Variants in GSE1 observed in about 807,000 individuals in gnomAD.
The protein encoded by GSE1 is genetic suppressor element 1.
A neutral mutation model predicts 112.6 loss-of-function variants in GSE1; 32 were observed. The ratio of observed to expected loss-of-function variants is 0.28; its 90% CI spans 0.21 to 0.38. The LOEUF is 0.38. Among genes scored for constraint, GSE1 ranks in the 10% least tolerant of loss-of-function variants. The pLI, the probability that GSE1 is intolerant of heterozygous loss-of-function variation, is 1.00. For missense variants in GSE1, 2,348 were observed against 1,699.2 expected, an observed-to-expected ratio of 1.38 and a Z score of -6.71; for synonymous variants, 1,115 against 735.6, an observed-to-expected ratio of 1.52 and a Z score of -8.35.
intron 1 of GSE1, among the ~76,000 whole-genome samples, chr16:85,605,787 G>T (rs150938367): frequency 0.014 from 2,112 of 152,104 alleles, 23 homozygotes; most frequent in Non-Finnish European, 0.022. Context: ...AGAGGGTGCT[G>T]CCCGTAGCGA....
chr16:85,272,111 C>A (rs1908895712), intron 1 of GSE1, among the ~76,000 whole-genome samples: 1 of 152,242 alleles, frequency 6.6e-6, no homozygotes, highest in African/African-American at 2.4e-5. Flanking sequence ...ATCATCGTCA[C>A]CATGCGGCCG....
chr16:85,500,161 G>A (rs769258115), intron 2 of GSE1, among the ~76,000 whole-genome samples: 21 of 152,170 alleles, frequency 1.4e-4, no homozygotes, highest in Non-Finnish European at 1.5e-5. Context: ...GAAAATAACC[G>A]GCTGCCAGGT....
At chr16:85,627,294 C>T (rs2049161462) in intron 1 of GSE1, among the ~76,000 whole-genome samples, 1 of 151,654 alleles carries the variant, frequency 6.6e-6, no homozygotes, top group South Asian at 2.1e-4. Context: ...GTTTCCTGCC[C>T]TCTGGCTTCT....
At chr16:85,246,256 TACAC>T (rs560365750) in intron 1 of GSE1, among the ~76,000 whole-genome samples, 29 of 87,044 alleles carry the variant, frequency 3.3e-4, no homozygotes, top group African/African-American at 4.0e-4. Context: ...ACACGCTGTC[TACAC>T]ACACACACAC....
At chr16:85,208,485 C>T (rs1258462587) in intron 1 of GSE1, among the ~76,000 whole-genome samples, 1 of 152,212 alleles carries the variant, frequency 6.6e-6, no homozygotes, top group Non-Finnish European at 1.5e-5. Context: ...CTCCTGCTGC[C>T]TCAGCTCCTG....
intron 2 of GSE1, chr16:85,462,989 C>T (rs1481142540): frequency 4.5e-6 from 2 of 441,542 alleles, no homozygotes; most frequent in Non-Finnish European, 6.0e-6. Flanking sequence ...CTTCTGCCGC[C>T]CCGTGACGCC....
rs561645815 is a variant in GSE1 at position 85,485,355 on chromosome 16, C to T, written c.2464+127712C>T. ...CAGGGTGGGCCAGGTCCCGTGCAGC[C>T]GTTGTACAGCTACTGTCACACCAGG... On this transcript the variant is annotated intron_variant, in intron 2 of 2. Transcript: ENST00000637419. 7.2e-5 allele frequency among the ~76,000 whole-genome samples: 11 copies of T among 152,310 alleles called. No homozygotes were observed. The East Asian group carries it at 1.2e-3, about 16-fold the overall frequency.
chr16:85,560,366 A>T (rs986215621), intron 1 of GSE1, among the ~76,000 whole-genome samples: 1 of 151,872 alleles, frequency 6.6e-6, no homozygotes, highest in African/African-American at 2.4e-5. Flanking sequence ...CGATCTCTTG[A>T]CCTGCCTTGG....
chr16:85,628,524 G>A (rs986855957), intron 1 of GSE1, among the ~76,000 whole-genome samples: 4 of 152,100 alleles, frequency 2.6e-5, no homozygotes, highest in Non-Finnish European at 4.4e-5. Flanking sequence ...GAGGGAGCAG[G>A]CAGAGGGCCT....
At chr16:85,171,425 G>A in exon 1 of GSE1, 2 of 985,500 alleles carry the variant, frequency 2.0e-6, no homozygotes, top group Middle Eastern at 5.2e-4. Context: ...CCTGCCCCTC[G>A]TGCCAGGCCT....
At chr16:85,625,408 A>G (rs1032983615) in intron 1 of GSE1, among the ~76,000 whole-genome samples, 5 of 152,074 alleles carry the variant, frequency 3.3e-5, no homozygotes, top group Non-Finnish European at 5.9e-5. Flanking sequence ...CCAGAATGCA[A>G]CCTCAGCATC....
chr16:85,660,320 G>T (rs2052326244), intron 8 of GSE1, among the ~76,000 whole-genome samples: 1 of 152,188 alleles, frequency 6.6e-6, no homozygotes, highest in African/African-American at 2.4e-5. Context: ...TATCCTCTTG[G>T]AGCAGCCTGC....
intron 1 of GSE1, among the ~76,000 whole-genome samples, chr16:85,632,210 C>T (rs1166369927): frequency 1.3e-5 from 2 of 152,244 alleles, no homozygotes; most frequent in Non-Finnish European, 2.9e-5. Flanking sequence ...CCCGCTGCTG[C>T]AGGGCACGGC....
chr16:85,413,548 A>G (rs1053920523), intron 2 of GSE1, among the ~76,000 whole-genome samples: 1 of 151,896 alleles, frequency 6.6e-6, no homozygotes. Flanking sequence ...ACTTCCTTCA[A>G]CCCATGTCAG....
In GSE1 at chr16:85,491,784, G is replaced by T. The variant is rs78300624; in HGVS notation, c.2464+134141G>T. Reference sequence around the variant, plus strand: ...AGTCTGATGAGGAGAGGGGCAGAGTGGGGGTGACACTGGGCCTGGCTGGAT... The same window carrying T: ...AGTCTGATGAGGAGAGGGGCAGAGTTGGGGTGACACTGGGCCTGGCTGGAT... On this transcript the variant is annotated intron_variant, in intron 2 of 2. Transcript: ENST00000637419. Among the ~76,000 whole-genome samples the T allele has an allele frequency of 6.8e-3, 1,036 of 152,298 alleles. 16 individuals carry two copies. Among genetic ancestry groups the T allele is most frequent in the African/African-American group, 0.024 (992 of 41,568 alleles).
intron 1 of GSE1, among the ~76,000 whole-genome samples, chr16:85,250,663 G>C (rs913486528): frequency 6.6e-6 from 1 of 152,148 alleles, no homozygotes; most frequent in African/African-American, 2.4e-5. Flanking sequence ...TATAACAGCC[G>C]TATTGAGATA....
intron 1 of GSE1, among the ~76,000 whole-genome samples, chr16:85,219,593 T>G (rs2075358295): frequency 1.3e-5 from 2 of 152,204 alleles, no homozygotes; most frequent in Admixed American, 1.3e-4. Flanking sequence ...GAGACAAATG[T>G]TCTCATTCTG....
chr16:85,450,497 T>C (rs2049646487), intron 2 of GSE1, among the ~76,000 whole-genome samples: 1 of 151,556 alleles, frequency 6.6e-6, no homozygotes, highest in Non-Finnish European at 1.5e-5. Context: ...TCACTCAGGC[T>C]GGAGTGCAGT....
intron 2 of GSE1, among the ~76,000 whole-genome samples, chr16:85,442,390 C>T (rs1041178902): frequency 2.0e-5 from 3 of 152,120 alleles, no homozygotes; most frequent in African/African-American, 7.3e-5. Flanking sequence ...TGCATCCTGG[C>T]CCAGCGCTGG....
Sources: gnomAD v4.1 joint callset for allele counts (sites outside exome capture counted in the v4.1 genomes callset) on GRCh38, gnomAD v4.1.1 for gene constraint, MANE v1.5 for transcripts, NCBI Gene and HGNC (gene_info 2026-07-23, HGNC 2026-07-21) for gene names.